Variants in FBXO34 observed in about 807,000 individuals in gnomAD.
FBXO34 encodes F-box only protein 34.
FBXO34 carries 12 observed loss-of-function variants against 24.5 expected under a neutral mutation model. The observed-to-expected ratio is 0.49, with a 90% CI of 0.31 to 0.79. FBXO34 has a LOEUF of 0.79. Among genes scored for constraint, FBXO34 ranks in the 30% least tolerant of loss-of-function variants. FBXO34 has a pLI of 0.04. For synonymous variants in FBXO34, 320 were observed against 311.9 expected (o/e 1.03, Z -0.27); for missense variants, 823 against 857.7 (o/e 0.96, Z 0.51).
chr14:55,329,834 T>G (rs1393272256), intron 1 of FBXO34, among the ~76,000 whole-genome samples: 1 of 152,102 alleles, frequency 6.6e-6, no homozygotes, highest in African/African-American at 2.4e-5. Flanking sequence ...CCAGGAAAAC[T>G]ATCAGCTTTC....
At chr14:55,414,322 G>T in the FBXO34 span, 1 of 1,294,980 alleles carries the variant, frequency 7.7e-7, no homozygotes, top group Non-Finnish European at 1.1e-6. Flanking sequence ...AGCTGTTTCT[G>T]TGCTGGGCTT....
At chr14:55,363,620 C>T (rs140771604), downstream of FBXO34, among the ~76,000 whole-genome samples, 52 of 152,292 alleles carry the variant, frequency 3.4e-4, no homozygotes, top group East Asian at 9.3e-3. Context: ...TGAGCCACCA[C>T]GCCCAGCCCA....
chr14:55,293,753 C>A (rs906142181), intron 1 of FBXO34, among the ~76,000 whole-genome samples: 1 of 151,972 alleles, frequency 6.6e-6, no homozygotes, highest in Non-Finnish European at 1.5e-5. Context: ...TTTTCTGTAT[C>A]CTTAGCACGG....
At chr14:55,379,791 A>C in the FBXO34 span, among the ~76,000 whole-genome samples, 7 of 152,208 alleles carry the variant, frequency 4.6e-5, no homozygotes, top group African/African-American at 1.7e-4. Flanking sequence ...GTGTGATCTC[A>C]GCATCACTGC....
chr14:55,347,871 A>T (rs557891437), intron 1 of FBXO34, among the ~76,000 whole-genome samples: 20 of 152,346 alleles, frequency 1.3e-4, no homozygotes, highest in Non-Finnish European at 2.9e-4. Flanking sequence ...TTATTCATAG[A>T]TACTGTGTAA....
chr14:55,351,165 G>C lies in FBXO34; in HGVS notation c.775G>C (p.Glu259Gln), dbSNP rs998108772. 6.2e-7 allele frequency: 1 copy of C among 1,614,054 alleles called. No homozygotes were observed. The highest frequency in any genetic ancestry group is 1.3e-5 in the African/African-American group (1 of 74,924). Residue 259 changes from glutamate to glutamine, a missense_variant, in exon 2 of 2, where the codon GAA becomes CAA. Physicochemically the swap from Glu to Gln is conservative, Grantham distance 29 (BLOSUM62 2). Around this residue, in one of 2 missense-constraint regions of FBXO34, gnomAD observed 693 missense variants for 659.1 expected, o/e 1.05. Coordinates refer to ENST00000313833, the MANE Select transcript of FBXO34 (RefSeq NM_017943.4). ...SESYSAPGAC[E>Q]EPTERGNLEV... ...GTCCTATTCTGCCCCAGGAGCTTGT[G>C]AAGAACCCACAGAAAGGGGAAATCT...
chr14:55,441,202 G>A, the FBXO34 span, among the ~76,000 whole-genome samples: 1 of 151,392 alleles, frequency 6.6e-6, no homozygotes, highest in Non-Finnish European at 1.5e-5. Flanking sequence ...GCTGGAGTGC[G>A]GTGACAGGCG....
the FBXO34 span, among the ~76,000 whole-genome samples, chr14:55,380,013 G>A: frequency 2.0e-5 from 3 of 152,300 alleles, no homozygotes; most frequent in South Asian, 4.1e-4. Flanking sequence ...TTGGGAGACC[G>A]AGGCAGGTGA....
Position 55,350,440 on chromosome 14 carries a change from A to C in FBXO34, c.50A>C (p.Glu17Ala). The change falls in exon 2 of 2, where the codon GAA becomes GCA. Residue 17 changes from glutamate (E) to alanine (A), a missense_variant. Physicochemically the swap from Glu to Ala is moderately radical, Grantham distance 107. Around this residue, in one of 2 missense-constraint regions of FBXO34, gnomAD observed 693 missense variants for 659.1 expected, o/e 1.05. Transcript: ENST00000313833. ...WKLQKKEHPP[E>A]VSRETQRTPM... ...CTCCAGAAGAAAGAGCACCCCCCGG[A>C]AGTCAGCAGGGAAACGCAGAGAACT... The C allele has an allele frequency of 6.2e-7, 1 of 1,608,330 alleles. No homozygotes were observed. Among genetic ancestry groups the C allele is most frequent in the Non-Finnish European group, 8.5e-7 (1 of 1,178,020 alleles).
chr14:55,401,424 C>T, the FBXO34 span, among the ~76,000 whole-genome samples: 1 of 152,104 alleles, frequency 6.6e-6, no homozygotes, highest in African/African-American at 2.4e-5. Context: ...TTTAATGACA[C>T]TAGTTTTTGT....
the FBXO34 span, among the ~76,000 whole-genome samples, chr14:55,429,221 T>C: frequency 6.6e-6 from 1 of 152,262 alleles, no homozygotes; most frequent in African/African-American, 2.4e-5. Flanking sequence ...CTTTCATATA[T>C]GAAGTACTTT....
chr14:55,382,821 C>T, the FBXO34 span, among the ~76,000 whole-genome samples: 1 of 152,194 alleles, frequency 6.6e-6, no homozygotes, highest in African/African-American at 2.4e-5. Context: ...GTGTTTAAAA[C>T]ACTTTGGAAT....
chr14:55,376,348 A>C, the FBXO34 span, among the ~76,000 whole-genome samples: 2 of 152,390 alleles, frequency 1.3e-5, no homozygotes, highest in East Asian at 3.9e-4. Context: ...TACAGAGAGG[A>C]TGGTGAGTAA....
intron 1 of FBXO34, among the ~76,000 whole-genome samples, chr14:55,345,554 G>A (rs780521834): frequency 2.6e-5 from 4 of 151,804 alleles, no homozygotes; most frequent in Admixed American, 6.6e-5. Flanking sequence ...TCTTCTCCCC[G>A]TCTCCCCATG....
At chr14:55,363,131 T>G (rs951286244), downstream of FBXO34, among the ~76,000 whole-genome samples, 6 of 150,746 alleles carry the variant, frequency 4.0e-5, no homozygotes, top group Non-Finnish European at 5.9e-5. Flanking sequence ...CAAGCGATTC[T>G]CCCGCGTCAG....
the FBXO34 span, among the ~76,000 whole-genome samples, chr14:55,408,703 T>C: frequency 6.6e-6 from 1 of 152,180 alleles, no homozygotes; most frequent in East Asian, 1.9e-4. Flanking sequence ...CCCAGGAGTC[T>C]GAGGCTGCCG....
chr14:55,357,567 G>C (rs1201329688), downstream of FBXO34, among the ~76,000 whole-genome samples: 1 of 152,164 alleles, frequency 6.6e-6, no homozygotes, highest in Non-Finnish European at 1.5e-5. Flanking sequence ...TGTAATCCGA[G>C]CACTTTAGGA....
downstream of FBXO34, chr14:55,369,330 C>A (rs552198516): frequency 8.3e-6 from 2 of 240,946 alleles, no homozygotes; most frequent in South Asian, 3.3e-4. Flanking sequence ...AAATCAACTG[C>A]TTCCTTGGCA....
the FBXO34 span, among the ~76,000 whole-genome samples, chr14:55,409,805 C>T: frequency 1.3e-5 from 2 of 152,136 alleles, no homozygotes; most frequent in African/African-American, 2.4e-5. Context: ...AGTGAAAAAC[C>T]ACTGGAAGAT....
Sources: allele counts gnomAD v4.1 joint callset (sites outside exome capture counted in the v4.1 genomes callset), GRCh38; gene constraint gnomAD v4.1.1; regional missense constraint gnomAD v4.1.1; transcripts MANE v1.5; gene names NCBI Gene and HGNC (gene_info 2026-07-23, HGNC 2026-07-21).